Variants in BRI3BP observed in about 807,000 individuals in gnomAD.
The protein encoded by BRI3BP is BRI3-binding protein.
In BRI3BP, 7 loss-of-function variants were observed where a neutral mutation model predicts 15.8. The observed-to-expected ratio is 0.44, with a 90% CI of 0.25 to 0.83. The LOEUF (loss-of-function observed/expected upper bound fraction) is 0.83. BRI3BP is among the 40% of genes least tolerant of loss of function. BRI3BP has a pLI of 0.20. For synonymous variants in BRI3BP, 192 were observed against 163.5 expected, an observed-to-expected ratio of 1.17 and a Z score of -1.33; for missense variants, 320 against 339.3, an observed-to-expected ratio of 0.94 and a Z score of 0.45.
intron 2 of BRI3BP, among the ~76,000 whole-genome samples, chr12:125,013,676 AG>A (rs1223650615): frequency 1.3e-5 from 2 of 152,192 alleles, no homozygotes; most frequent in African/African-American, 4.8e-5. Flanking sequence ...ATGCTGCACC[AG>A]CCCATCCACC....
At chr12:125,003,956 A>C (rs10846799) in intron 1 of BRI3BP, among the ~76,000 whole-genome samples, 3,332 of 38,080 alleles carry the variant, frequency 0.087, 84 homozygotes, top group East Asian at 0.17. Context: ...CCATCTCAAA[A>C]ACACACACAC....
rs1007950800 is a variant in BRI3BP at position 125,026,012 on chromosome 12, T to C, written c.*582T>C. 1 of 152,276 alleles carries C rather than the reference T, an allele frequency of 6.6e-6. No individual in the cohort carries two copies. Among genetic ancestry groups the C allele is most frequent in the African/African-American group, 2.4e-5 (1 of 41,462 alleles). 9.4% of individuals were successfully genotyped at this position (152,276 alleles called of 1,614,324 possible). On this transcript the variant is annotated 3_prime_UTR_variant, in exon 3 of 3. Transcript: ENST00000341446. ...TGTTGTCACTTCTAAATGTGGACAG[T>C]TGGGCTGCAGGATGCAACTCAACCT... is the stretch of plus-strand genomic sequence containing the variant.
intron 1 of BRI3BP, 68 bp downstream of exon 1, chr12:124,994,071 C>A (rs1465151181): frequency 9.3e-7 from 1 of 1,076,170 alleles, no homozygotes; most frequent in South Asian, 3.8e-5. Flanking sequence ...CCGGGGCCGA[C>A]CTGGGAGGAG....
chr12:125,048,246 G>C, the BRI3BP span, among the ~76,000 whole-genome samples: 1 of 152,050 alleles, frequency 6.6e-6, no homozygotes, highest in Admixed American at 6.6e-5. Context: ...ATGCCGCCTC[G>C]AAATGCCTGC....
At chr12:125,002,570 C>T (rs936788021) in intron 1 of BRI3BP, among the ~76,000 whole-genome samples, 21 of 151,880 alleles carry the variant, frequency 1.4e-4, no homozygotes, top group Non-Finnish European at 1.8e-4. Flanking sequence ...CATTCTCCTG[C>T]CTCAGCCTCC....
intron 2 of BRI3BP, among the ~76,000 whole-genome samples, chr12:125,017,464 T>A (rs1051883093): frequency 5.9e-5 from 9 of 152,156 alleles, no homozygotes; most frequent in Non-Finnish European, 1.2e-4. Flanking sequence ...TGAAATTAAT[T>A]TTAATAAGAT....
At chr12:125,003,959 ACACACACACACAC>A (rs1955119460) in intron 1 of BRI3BP, among the ~76,000 whole-genome samples, 2 of 8,150 alleles carry the variant, frequency 2.5e-4, no homozygotes, top group East Asian at 0.1. Context: ...TCTCAAAAAC[ACACACACACACAC>A]ACACACACAC....
intron 1 of BRI3BP, among the ~76,000 whole-genome samples, chr12:124,994,449 C>T (rs903288814): frequency 1.3e-5 from 2 of 152,204 alleles, no homozygotes; most frequent in African/African-American, 4.8e-5. Context: ...CCCCTGGGAC[C>T]TTCTGCCCCA....
At chr12:125,034,425 T>C (rs1955428269), downstream of BRI3BP, among the ~76,000 whole-genome samples, 1 of 152,206 alleles carries the variant, frequency 6.6e-6, no homozygotes, top group Admixed American at 6.5e-5. Context: ...TGTTTGAATG[T>C]AACTTGGATA....
intron 1 of BRI3BP, among the ~76,000 whole-genome samples, chr12:124,995,511 GAGTGGTTA>G (rs1955033337): frequency 6.6e-6 from 1 of 152,180 alleles, no homozygotes; most frequent in Non-Finnish European, 1.5e-5. Context: ...CATGAAATAC[GAGTGGTTA>G]TTTAAGACTT....
At position 125,016,673 on chromosome 12, in the gene BRI3BP, G is replaced by A. The variant is rs1348814336; in HGVS notation, c.316+4037G>A. On this transcript the variant is annotated intron_variant, in intron 2 of 2. Transcript: ENST00000341446. ...GCCAAGTAGCTGGGATTACAGGCAT[G>A]CACCACCACACCCGGCTAATTTTTC... 5.9e-5 allele frequency among the ~76,000 whole-genome samples: 9 copies of A among 151,264 alleles called. No homozygotes were observed. In the East Asian group the frequency reaches 1.6e-3, roughly 26 times the overall value.
chr12:125,050,219 G>C, the BRI3BP span, among the ~76,000 whole-genome samples: 1 of 151,826 alleles, frequency 6.6e-6, no homozygotes, highest in Non-Finnish European at 1.5e-5. Context: ...GCATGGTGGC[G>C]GGCGCCTGTA....
the BRI3BP span, among the ~76,000 whole-genome samples, chr12:125,043,209 C>T: frequency 6.6e-6 from 1 of 152,096 alleles, no homozygotes; most frequent in Non-Finnish European, 1.5e-5. Flanking sequence ...TTCTTTCAGG[C>T]CCAGGGATTT....
chr12:124,994,041 G>T (rs1475238425), intron 1 of BRI3BP, 38 bp downstream of exon 1: 1 of 1,237,578 alleles, frequency 8.1e-7, no homozygotes, highest in South Asian at 2.3e-5. Flanking sequence ...ACCTTGCCCC[G>T]GTCGCCACGC....
At position 125,026,946 on chromosome 12, in the gene BRI3BP, CA is replaced by C. The variant is rs1289667253; in HGVS notation, c.*1517del. 1 of 142,046 alleles carries C rather than the reference CA, an allele frequency of 7.0e-6. No homozygotes were observed. The highest frequency in any genetic ancestry group is 1.5e-5 in the Non-Finnish European group (1 of 65,358). The allele number at this position is 142,046 out of a possible 1,614,324, so 8.8% of individuals were successfully genotyped here. On this transcript the variant is annotated 3_prime_UTR_variant, in exon 3 of 3. Transcript: ENST00000341446. ...CAGCCTAGGCAACAGAGCAAGACTT[CA>C]TCTTAAAAAAAAAAAAAAAAGCCCA...
intron 2 of BRI3BP, among the ~76,000 whole-genome samples, chr12:125,020,731 A>G (rs1247055794): frequency 1.3e-5 from 2 of 152,112 alleles, no homozygotes; most frequent in African/African-American, 4.8e-5. Flanking sequence ...CAAAAAATCA[A>G]AACATTAGCT....
chr12:125,035,347 T>C (rs1955435052), downstream of BRI3BP, among the ~76,000 whole-genome samples: 1 of 152,124 alleles, frequency 6.6e-6, no homozygotes, highest in South Asian at 2.1e-4. Context: ...ACAGTTGGTA[T>C]GATCAGCTGT....
chr12:125,003,689 ATGCC>A, intron 1 of BRI3BP, among the ~76,000 whole-genome samples: 2 of 152,304 alleles, frequency 1.3e-5, no homozygotes, highest in South Asian at 4.1e-4. Context: ...ATGGTGGCTC[ATGCC>A]TGTAATCCCA....
the BRI3BP span, among the ~76,000 whole-genome samples, chr12:125,050,646 G>A: frequency 1.2e-4 from 18 of 152,232 alleles, no homozygotes; most frequent in Non-Finnish European, 8.8e-5. Context: ...ACCAGAGCCC[G>A]GCGGTCATGG....
Sources: allele counts gnomAD v4.1 joint callset (sites outside exome capture counted in the v4.1 genomes callset), GRCh38; gene constraint gnomAD v4.1.1; transcripts MANE v1.5; gene names NCBI Gene and HGNC (gene_info 2026-07-23, HGNC 2026-07-21).